The following OBI1 variants were observed in gnomAD, a reference collection of about 807,000 sequenced individuals.
OBI1 encodes ring finger protein 219.
In OBI1, 59 loss-of-function variants were observed where a neutral mutation model predicts 62.4. The observed-to-expected ratio is 0.95, with a 90% CI of 0.77 to 1.17. OBI1 has a LOEUF of 1.17. Among genes scored for constraint, OBI1 ranks in the 50% most tolerant of loss-of-function variants. The pLI is 0.00. For missense variants in OBI1, 875 were observed against 830.9 expected, an observed-to-expected ratio of 1.05 and a Z score of -0.65; for synonymous variants, 302 against 292.8, an observed-to-expected ratio of 1.03 and a Z score of -0.32.
chr13:78,619,993 C>T (rs543666631), intron 5 of OBI1, among the ~76,000 whole-genome samples: 28 of 152,264 alleles, frequency 1.8e-4, no homozygotes, highest in African/African-American at 6.5e-4. Context: ...ATTTCACTGA[C>T]ACCCAGGAAA....
chr13:78,642,283 A>G (rs7327732), intron 2 of OBI1, 70 bp from the exon 3 acceptor site: 370,000 of 988,458 alleles, frequency 0.37, 69,666 homozygotes, highest in African/African-American at 0.43. Context: ...ATCCTTTTTC[A>G]TATTGTTTTA....
At chr13:78,644,090 T>C (rs957900441) in intron 2 of OBI1, among the ~76,000 whole-genome samples, 2 of 152,170 alleles carry the variant, frequency 1.3e-5, no homozygotes, top group African/African-American at 4.8e-5. Context: ...TAGAATTTGT[T>C]TTCACCCTTA....
At chr13:78,634,901 A>G (rs1265351732) in intron 5 of OBI1, among the ~76,000 whole-genome samples, 1 of 152,242 alleles carries the variant, frequency 6.6e-6, no homozygotes, top group African/African-American at 2.4e-5. Flanking sequence ...AAAAAAGTAC[A>G]GGCATAAAAT....
intron 1 of OBI1, among the ~76,000 whole-genome samples, chr13:78,658,575 GA>G: frequency 6.6e-6 from 1 of 152,302 alleles, no homozygotes; most frequent in African/African-American, 2.4e-5. Context: ...CTTGGAAATG[GA>G]AAAGACTCAA....
rs188529167 is a variant in OBI1, at chr13:78,616,496, T to A, written c.1265A>T (p.His422Leu). The A allele has an allele frequency of 6.2e-7, 1 of 1,614,154 alleles. No homozygotes were observed. Among genetic ancestry groups the A allele is most frequent in the East Asian group, 2.2e-5 (1 of 44,872 alleles). The change falls in exon 6 of 6, where the codon CAT becomes CTT. Residue 422 changes from histidine to leucine, a missense_variant. His to Leu is a moderately conservative substitution (Grantham distance 99). Transcript: ENST00000282003. ...ATCATCAAACACCAATTTTCTGAGA[T>A]GGTTTGAGTGCTTTTTGGAACCTCC... ...QAGGSKKHSN[H>L]LRKLVFDDFC...
chr13:78,619,730 C>T (rs150297238), intron 5 of OBI1, among the ~76,000 whole-genome samples: 2 of 152,212 alleles, frequency 1.3e-5, no homozygotes, highest in East Asian at 3.9e-4. Flanking sequence ...TCAAGGAGAG[C>T]AGGTAGTTTG....
intron 5 of OBI1, among the ~76,000 whole-genome samples, chr13:78,632,622 T>C (rs1374114012): frequency 2.0e-5 from 3 of 152,192 alleles, no homozygotes; most frequent in African/African-American, 7.2e-5. Flanking sequence ...TTTTATTTGC[T>C]TGCATTTATT....
intron 2 of OBI1, among the ~76,000 whole-genome samples, chr13:78,643,617 C>T (rs1237575108): frequency 6.6e-6 from 1 of 152,066 alleles, no homozygotes; most frequent in Non-Finnish European, 1.5e-5. Flanking sequence ...GGAGAAACCC[C>T]GTCTCTAATA....
intron 4 of OBI1, among the ~76,000 whole-genome samples, chr13:78,638,473 CAG>C (rs1298087186): frequency 6.6e-6 from 1 of 152,088 alleles, no homozygotes; most frequent in Admixed American, 6.5e-5. Flanking sequence ...TTTAGGTACA[CAG>C]GGGAAGTCGC....
intron 4 of OBI1, among the ~76,000 whole-genome samples, chr13:78,635,623 T>A (rs941269854): frequency 2.6e-5 from 4 of 152,244 alleles, no homozygotes; most frequent in Non-Finnish European, 4.4e-5. Flanking sequence ...GGGTGCTGTT[T>A]AAAAATTTTT....
chr13:78,651,094 G>A (rs1231933752), intron 1 of OBI1, among the ~76,000 whole-genome samples: 2 of 152,076 alleles, frequency 1.3e-5, no homozygotes, highest in East Asian at 3.9e-4. Context: ...AGATTCCAGA[G>A]ATGTTATAAT....
At position 78,659,077 on chromosome 13, in the gene OBI1, G is replaced by A. The variant is rs1876802475; in HGVS notation, c.44C>T (p.Pro15Leu). ...VQNVTLSLTL[P>L]ITCHICLGKV... The stretch of plus-strand genomic sequence containing the variant: ...CCCCAAGCAAATGTGGCACGTGATG[G>A]GCAGAGTGAGCGACAATGTAACATT... The change falls in exon 1 of 6, where the codon CCC (proline) becomes CTC (leucine). Residue 15 changes from proline (P) to leucine (L), a missense_variant. Pro to Leu is a moderately conservative substitution (Grantham distance 98, BLOSUM62 -3). Transcript: ENST00000282003. The A allele has an allele frequency of 6.2e-7, 1 of 1,612,774 alleles. No homozygotes were observed. Among genetic ancestry groups the A allele is most frequent in the African/African-American group, 1.3e-5 (1 of 74,760 alleles).
intron 1 of OBI1, among the ~76,000 whole-genome samples, chr13:78,656,729 TGG>T (rs397851744): frequency 0.56 from 11,410 of 20,506 alleles, 2,364 homozygotes; most frequent in East Asian, 0.81. Context: ...CCATGGTACC[TGG>T]GGGGGGGGGG....
Position 78,644,886 on chromosome 13 carries a change from C to T in OBI1, c.184G>A (p.Glu62Lys). The T allele has an allele frequency of 1.2e-6, 2 of 1,614,058 alleles. No individual in the cohort carries two copies. Among genetic ancestry groups the T allele is most frequent in the Non-Finnish European group, 1.7e-6 (2 of 1,179,946 alleles). ...CCTATAATTTCTTTGCAAGGATTTTCAGGAGTGATGGGGACTCTGCAAGCT... is the reference window on the plus strand; with the variant it reads ...CCTATAATTTCTTTGCAAGGATTTTTAGGAGTGATGGGGACTCTGCAAGCT... ...CPACRVPITP[E>K]NPCKEIIGGT... Residue 62 changes from glutamate to lysine, a missense_variant, in exon 2 of 6, where the codon GAA (glutamate) becomes AAA (lysine). Coordinates refer to ENST00000282003, the MANE Select transcript of OBI1 (RefSeq NM_024546.4).
At position 78,617,093 on chromosome 13, in the gene OBI1, T is replaced by C. The variant is rs774323581; in HGVS notation, c.668A>G (p.Gln223Arg). The C allele has an allele frequency of 6.4e-6, 10 of 1,568,208 alleles. No homozygotes were observed. Among genetic ancestry groups the C allele is most frequent in the Admixed American group, 2.0e-5 (1 of 50,544 alleles). ...ACGCTCATACTGTTCTACTTTGGACTGAAGAGCAGCAACTGCAAACCTTCC... is the reference window on the plus strand; with the variant it reads ...ACGCTCATACTGTTCTACTTTGGACCGAAGAGCAGCAACTGCAAACCTTCC... ...KFGRFAVAAL[Q>R]SKVEQYERET... is the part of the protein sequence containing the mutation. Residue 223 changes from glutamine (Q) to arginine (R), a missense_variant, in exon 6 of 6, where the codon CAG (glutamine) becomes CGG (arginine). By Grantham distance (43) the Gln-to-Arg change is conservative. Coordinates refer to ENST00000282003, the MANE Select transcript of OBI1 (RefSeq NM_024546.4).
At position 78,641,610 on chromosome 13, in the gene OBI1, C is replaced by T. The variant is rs951199529; in HGVS notation, c.300+512G>A. Among the ~76,000 whole-genome samples, 8 of 152,192 alleles carry T rather than the reference C, an allele frequency of 5.3e-5. 1 individual carries two copies. Among genetic ancestry groups the T allele is most frequent in the African/African-American group, 2.4e-5 (1 of 41,516 alleles). The stretch of plus-strand genomic sequence containing the variant: ...TCACCTTTAGACAATAATTAGGAAA[C>T]AGCATGTTTCACACTAAAATCTCTG... On this transcript the variant is annotated intron_variant, in intron 3 of 5. Coordinates refer to ENST00000282003, the MANE Select transcript of OBI1 (RefSeq NM_024546.4).
At chr13:78,648,615 T>C (rs1465315233) in intron 1 of OBI1, among the ~76,000 whole-genome samples, 1 of 151,986 alleles carries the variant, frequency 6.6e-6, no homozygotes, top group African/African-American at 2.4e-5. Context: ...AAAAAACACA[T>C]TTAAAAGCAA....
intron 5 of OBI1, among the ~76,000 whole-genome samples, chr13:78,631,650 C>T (rs1875855008): frequency 6.6e-6 from 1 of 152,032 alleles, no homozygotes; most frequent in African/African-American, 2.4e-5. Flanking sequence ...CAGAAAGTGG[C>T]TAAATAAAGC....
intron 3 of OBI1, among the ~76,000 whole-genome samples, chr13:78,639,900 A>C (rs1267201733): frequency 1.3e-5 from 2 of 148,384 alleles, no homozygotes; most frequent in Admixed American, 6.7e-5. Flanking sequence ...CTAGATGACG[A>C]GTTAGTGGGT....
Sources: allele counts gnomAD v4.1 joint callset (sites outside exome capture counted in the v4.1 genomes callset), GRCh38; gene constraint gnomAD v4.1.1; transcripts MANE v1.5; gene names NCBI Gene and HGNC (gene_info 2026-07-23, HGNC 2026-07-21).